Variants in RBFOX2 observed in about 807,000 individuals in gnomAD.
The protein encoded by RBFOX2 is RNA binding protein fox-1 homolog 2.
In RBFOX2, 10 loss-of-function variants were observed where a neutral mutation model predicts 49.1. The ratio of observed to expected loss-of-function variants is 0.20; its 90% CI spans 0.13 to 0.35. RBFOX2 has a LOEUF of 0.35. Ranked by LOEUF, RBFOX2 falls within the 10% of genes least tolerant of loss-of-function variation. RBFOX2 has a pLI of 1.00. For synonymous variants in RBFOX2, 183 were observed against 187.4 expected (o/e 0.98, Z 0.19); for missense variants, 323 against 486.9 (o/e 0.66, Z 3.17).
chr22:35,766,902 A>G (rs542113739), intron 5 of RBFOX2, among the ~76,000 whole-genome samples: 1 of 152,284 alleles, frequency 6.6e-6, no homozygotes, highest in Non-Finnish European at 1.5e-5. Flanking sequence ...AAGAATAGGG[A>G]AAGGGACAGG....
intron 1 of RBFOX2, among the ~76,000 whole-genome samples, chr22:36,025,497 G>A (rs931446501): frequency 2.0e-5 from 3 of 152,090 alleles, no homozygotes; most frequent in African/African-American, 7.2e-5. Flanking sequence ...TGACAGCAAG[G>A]GTTTTTTGTT....
At position 35,749,443 on chromosome 22, in the gene RBFOX2, T is replaced by C. The variant is rs1264676921; in HGVS notation, c.888-2882A>G. 6.6e-6 allele frequency among the ~76,000 whole-genome samples: 1 copy of C among 152,174 alleles called. No individual in the cohort carries two copies. Among genetic ancestry groups the C allele is most frequent in the Non-Finnish European group, 1.5e-5 (1 of 68,034 alleles). On this transcript the variant is annotated intron_variant, in intron 9 of 11. Transcript: ENST00000405409. This position sits in a 1 kb window ranked among gnomAD's most constrained non-coding sequence, Gnocchi z 4.1. ...CTACTAAACTAACTTGGTAATTCAC[T>C]AATGACTACTCCAAAAGTAGAAAAA...
chr22:35,852,095 T>C (rs934494463), intron 1 of RBFOX2, among the ~76,000 whole-genome samples: 1 of 152,010 alleles, frequency 6.6e-6, no homozygotes. Flanking sequence ...ATAACAAAAA[T>C]ATAATACAAA....
chr22:35,841,016 G>C (rs1958675737), upstream of RBFOX2, among the ~76,000 whole-genome samples: 1 of 152,158 alleles, frequency 6.6e-6, no homozygotes, highest in South Asian at 2.1e-4. Context: ...AGGACTAAAA[G>C]AGAGGACACA....
chr22:35,806,963 C>A (rs1236904385), intron 2 of RBFOX2, among the ~76,000 whole-genome samples: 1 of 152,106 alleles, frequency 6.6e-6, no homozygotes, highest in Non-Finnish European at 1.5e-5. Context: ...ACCACCACGC[C>A]CGGCTAATTT....
chr22:35,770,151 A>G (rs529334105), intron 4 of RBFOX2, among the ~76,000 whole-genome samples: 3 of 152,326 alleles, frequency 2.0e-5, no homozygotes, highest in Admixed American at 2.0e-4. Context: ...TGTCATCTAC[A>G]CTAGCACCTG....
At chr22:35,752,111 A>C (rs1299517700) in intron 9 of RBFOX2, among the ~76,000 whole-genome samples, 10 of 152,202 alleles carry the variant, frequency 6.6e-5, no homozygotes, top group African/African-American at 2.4e-4. Context: ...ATATGTCTAG[A>C]TTTTTAAGGC....
chr22:35,790,079 T>C (rs189486548), intron 2 of RBFOX2, among the ~76,000 whole-genome samples: 357 of 152,346 alleles, frequency 2.3e-3, no homozygotes, highest in African/African-American at 8.2e-3. Context: ...TTGAAATTTT[T>C]GTGGTGTAAG....
intron 2 of RBFOX2, among the ~76,000 whole-genome samples, chr22:35,793,143 G>A (rs935390590): frequency 2.0e-5 from 3 of 152,164 alleles, no homozygotes; most frequent in Non-Finnish European, 4.4e-5. Context: ...AGGCCAAGGC[G>A]GGTGGATCAC....
intron 1 of RBFOX2, among the ~76,000 whole-genome samples, chr22:35,872,036 A>C (rs1261013725): frequency 6.6e-6 from 1 of 152,234 alleles, no homozygotes; most frequent in Non-Finnish European, 1.5e-5. Context: ...GCTAGAGTTC[A>C]AATCAGTTCA....
At chr22:36,022,642 T>C (rs1390484185) in intron 1 of RBFOX2, among the ~76,000 whole-genome samples, 2 of 152,234 alleles carry the variant, frequency 1.3e-5, no homozygotes, top group Non-Finnish European at 2.9e-5. Flanking sequence ...AATGTCTGTG[T>C]CCCTCTAAAT....
intron 2 of RBFOX2, among the ~76,000 whole-genome samples, chr22:35,797,858 T>C (rs1949057586): frequency 6.6e-6 from 1 of 152,248 alleles, no homozygotes; most frequent in Non-Finnish European, 1.5e-5. Flanking sequence ...CAATGTCCTC[T>C]ACTTCACTGC....
intron 1 of RBFOX2, among the ~76,000 whole-genome samples, chr22:35,980,696 C>T (rs2057413388): frequency 6.6e-6 from 1 of 152,066 alleles, no homozygotes; most frequent in Non-Finnish European, 1.5e-5. Context: ...AGCTTGCATA[C>T]AGACCATACA....
At chr22:35,927,579 G>A (rs1170866346) in intron 1 of RBFOX2, among the ~76,000 whole-genome samples, 3 of 146,820 alleles carry the variant, frequency 2.0e-5, no homozygotes, top group Non-Finnish European at 3.0e-5. Flanking sequence ...ACTCCAGCCG[G>A]GGCAACAAGA....
At chr22:35,746,776 G>C (rs1371577700) in intron 9 of RBFOX2, 1 of 389,314 alleles carries the variant, frequency 2.6e-6, no homozygotes, top group Admixed American at 4.5e-5. Context: ...GCAAGGATTT[G>C]CTTTCCAATT....
intron 1 of RBFOX2, among the ~76,000 whole-genome samples, chr22:35,920,854 T>G (rs2050948268): frequency 6.6e-6 from 1 of 152,194 alleles, no homozygotes; most frequent in Non-Finnish European, 1.5e-5. Flanking sequence ...GGTAAGGAAT[T>G]TTAAAATGTG....
intron 1 of RBFOX2, among the ~76,000 whole-genome samples, chr22:35,827,565 A>C (rs1363456809): frequency 6.6e-6 from 1 of 152,232 alleles, no homozygotes; most frequent in Admixed American, 6.5e-5. Flanking sequence ...ACGCATATAC[A>C]TACACACACA....
chr22:35,963,144 A>T (rs1052045102), upstream of RBFOX2, among the ~76,000 whole-genome samples: 1 of 151,614 alleles, frequency 6.6e-6, no homozygotes, highest in Non-Finnish European at 1.5e-5. Context: ...CAGAAAACTT[A>T]AACAATTTAG....
chr22:35,862,385 G>A (rs2043195259), intron 1 of RBFOX2, among the ~76,000 whole-genome samples: 1 of 149,378 alleles, frequency 6.7e-6, no homozygotes, highest in Non-Finnish European at 1.5e-5. Context: ...GGAGGGGGGG[G>A]GGAATGATAA....
Sources: allele counts gnomAD v4.1 joint callset (sites outside exome capture counted in the v4.1 genomes callset), GRCh38; gene constraint gnomAD v4.1.1; non-coding constraint Gnocchi (gnomAD v3.1); transcripts MANE v1.5; gene names NCBI Gene and HGNC (gene_info 2026-07-23, HGNC 2026-07-21).